The following MALRD1 variants were observed in gnomAD, a reference collection of about 807,000 sequenced individuals.
MALRD1 encodes the protein MAM and LDL-receptor class A domain-containing protein 1.
A neutral mutation model predicts 242.1 loss-of-function variants in MALRD1; 247 were observed. That is an observed-to-expected ratio of 1.02 (90% CI 0.92 to 1.13). MALRD1 has a LOEUF of 1.13. MALRD1 is among the 50% of genes most tolerant of loss of function. The pLI is 0.00. For missense variants in MALRD1, 2,989 were observed against 2,533.1 expected (o/e 1.18, Z -3.86); for synonymous variants, 995 against 866.6 (o/e 1.15, Z -2.60).
At chr10:19,542,613 C>G (rs74118999) in intron 32 of MALRD1, among the ~76,000 whole-genome samples, 7,807 of 151,808 alleles carry the variant, frequency 0.051, 651 homozygotes, top group African/African-American at 0.18. Context: ...TTGGACATGC[C>G]TCCACTATCA....
chr10:19,442,641 G>C (rs982981083), intron 28 of MALRD1, among the ~76,000 whole-genome samples: 1 of 151,974 alleles, frequency 6.6e-6, no homozygotes, highest in African/African-American at 2.4e-5. Context: ...TTGTATGTTG[G>C]ACCAGCCTTG....
intron 10 of MALRD1, among the ~76,000 whole-genome samples, chr10:19,137,119 A>G (rs771444186): frequency 2.0e-5 from 3 of 152,164 alleles, no homozygotes; most frequent in Non-Finnish European, 2.9e-5. Context: ...TTGGAGGCAT[A>G]TAGTATGGGT....
At chr10:19,197,741 CTTATT>C (rs1836327526) in intron 14 of MALRD1, among the ~76,000 whole-genome samples, 1 of 152,086 alleles carries the variant, frequency 6.6e-6, no homozygotes, top group South Asian at 2.1e-4. Flanking sequence ...AATATTCTTC[CTTATT>C]TTATTTTTTA....
chr10:19,642,361 A>C (rs942464677), intron 36 of MALRD1, among the ~76,000 whole-genome samples: 1 of 152,236 alleles, frequency 6.6e-6, no homozygotes, highest in African/African-American at 2.4e-5. Flanking sequence ...ACCCATTCAG[A>C]GGTACAGAAA....
At chr10:19,220,409 A>G (rs1837508054) in intron 18 of MALRD1, among the ~76,000 whole-genome samples, 1 of 152,170 alleles carries the variant, frequency 6.6e-6, no homozygotes. Flanking sequence ...TCTAAAAATG[A>G]TTCATACACT....
At chr10:19,453,536 A>G (rs1050466324) in intron 29 of MALRD1, among the ~76,000 whole-genome samples, 2 of 152,198 alleles carry the variant, frequency 1.3e-5, no homozygotes, top group Non-Finnish European at 2.9e-5. Context: ...AACTTTTTAA[A>G]TGAAAGGAAT....
Position 19,492,250 on chromosome 10 carries a change from C to T in MALRD1, c.5158+605C>T, listed in dbSNP as rs1048952764. The stretch of plus-strand genomic sequence containing the variant: ...AAGGATCTTTTTTCCATATATTGTA[C>T]TGGAAAAAAAGGATATTTTTTCCAT... On this transcript the variant is annotated intron_variant, in intron 30 of 39. Transcript: ENST00000454679. Among the ~76,000 whole-genome samples, 3 of 151,926 alleles carry T rather than the reference C, an allele frequency of 2.0e-5. No individual in the cohort carries two copies. In the South Asian group the frequency reaches 6.2e-4, roughly 32 times the overall value.
chr10:19,205,076 C>A lies in MALRD1; in HGVS notation c.2389C>A (p.Leu797Met). ...PFHLSLDKVSLGIYDGVSAID... is the reference protein window; with the variant it reads ...PFHLSLDKVSMGIYDGVSAID... The stretch of plus-strand genomic sequence containing the variant: ...CCATTTGTCACTAGATAAAGTCAGT[C>A]TGGGCATTTATGATGGGGTCTCAGC... Residue 797 changes from leucine to methionine, a missense_variant, in exon 17 of 40, where the codon CTG becomes ATG. Physicochemically the swap from Leu to Met is conservative, Grantham distance 15. Coordinates refer to ENST00000454679, the MANE Select transcript of MALRD1 (RefSeq NM_001142308.3). 6.4e-7 allele frequency: 1 copy of A among 1,550,740 alleles called. No individual in the cohort carries two copies. Among genetic ancestry groups the A allele is most frequent in the African/African-American group, 1.4e-5 (1 of 73,160 alleles).
At chr10:19,708,853 G>C (rs1257504471) in intron 38 of MALRD1, among the ~76,000 whole-genome samples, 1 of 118,444 alleles carries the variant, frequency 8.4e-6, no homozygotes, top group Non-Finnish European at 1.9e-5. Flanking sequence ...GTAGAGATGG[G>C]GTTTAACCAT....
At chr10:19,308,814 T>A (rs1432594592) in intron 21 of MALRD1, among the ~76,000 whole-genome samples, 3 of 151,596 alleles carry the variant, frequency 2.0e-5, no homozygotes, top group Non-Finnish European at 4.4e-5. Context: ...AGAGCTTGCC[T>A]AATGTAAATT....
At position 19,476,845 on chromosome 10, in the gene MALRD1, G is replaced by T. The variant is rs932366363; in HGVS notation, c.5030-14672G>T. Among the ~76,000 whole-genome samples the T allele has an allele frequency of 1.1e-4, 17 of 152,002 alleles. 1 individual carries two copies. The highest frequency in any genetic ancestry group is 3.9e-4 in the African/African-American group (16 of 41,384). On this transcript the variant is annotated intron_variant, in intron 29 of 39. Coordinates refer to ENST00000454679, the MANE Select transcript of MALRD1 (RefSeq NM_001142308.3). The stretch of plus-strand genomic sequence containing the variant: ...GAAGATTCGTGAGTCTTTCGTGGAG[G>T]TATGTACACTTCAGAAATACATCTC...
At chr10:19,716,679 C>T (rs550424678) in intron 38 of MALRD1, 9 of 152,292 alleles carry the variant, frequency 5.9e-5, no homozygotes, top group Admixed American at 1.3e-4. Flanking sequence ...CAAAGCTTTA[C>T]GTGAGGTAGT....
intron 10 of MALRD1, among the ~76,000 whole-genome samples, chr10:19,139,475 A>G (rs997699957): frequency 4.6e-5 from 7 of 152,128 alleles, no homozygotes; most frequent in African/African-American, 1.7e-4. Flanking sequence ...CTAGAAGGGT[A>G]TAGCTTGTGC....
intron 31 of MALRD1, among the ~76,000 whole-genome samples, chr10:19,530,418 A>ATGTAT (rs1200557957): frequency 1.2e-5 from 1 of 83,770 alleles, no homozygotes; most frequent in Non-Finnish European, 2.1e-5. Context: ...TTTATATAAT[A>ATGTAT]ATAAATATAT....
chr10:19,333,959 C>A (rs766254854), intron 24 of MALRD1, among the ~76,000 whole-genome samples: 3 of 151,868 alleles, frequency 2.0e-5, no homozygotes, highest in Admixed American at 6.6e-5. Context: ...TGAAAAGTGT[C>A]TGTTCATGTC....
At chr10:19,431,068 G>A (rs1252742132) in intron 28 of MALRD1, among the ~76,000 whole-genome samples, 1 of 152,168 alleles carries the variant, frequency 6.6e-6, no homozygotes, top group East Asian at 1.9e-4. Context: ...ATAGATAAAT[G>A]TGTGCCATGG....
chr10:19,378,435 A>G (rs917311322), intron 26 of MALRD1, among the ~76,000 whole-genome samples: 1 of 152,158 alleles, frequency 6.6e-6, no homozygotes, highest in Non-Finnish European at 1.5e-5. Flanking sequence ...GTGGCCATGG[A>G]AAGAAGTATT....
At chr10:19,120,676 T>C (rs1837028300) in intron 5 of MALRD1, among the ~76,000 whole-genome samples, 1 of 152,156 alleles carries the variant, frequency 6.6e-6, no homozygotes, top group Admixed American at 6.5e-5. Context: ...GATGAAAATG[T>C]CTTGGAATTA....
At chr10:19,599,742 G>T (rs187823063) in intron 34 of MALRD1, among the ~76,000 whole-genome samples, 1 of 152,148 alleles carries the variant, frequency 6.6e-6, no homozygotes. Context: ...AGACCAAAGA[G>T]TGTGAGAGGA....
Sources: gnomAD v4.1 joint callset for allele counts (sites outside exome capture counted in the v4.1 genomes callset) on GRCh38, gnomAD v4.1.1 for gene constraint, MANE v1.5 for transcripts, NCBI Gene and HGNC (gene_info 2026-07-23, HGNC 2026-07-21) for gene names.